The following CMSS1 variants were observed in gnomAD, a reference collection of about 807,000 sequenced individuals.
CMSS1 encodes the protein cms1 ribosomal small subunit homolog.
In CMSS1, 33 loss-of-function variants were observed where a neutral mutation model predicts 43.5. The ratio of observed to expected loss-of-function variants is 0.76; its 90% confidence interval spans 0.57 to 1.01. CMSS1 has a LOEUF of 1.01. Among genes scored for constraint, CMSS1 ranks in the 50% least tolerant of loss-of-function variants. CMSS1 has a pLI of 0.00. For synonymous variants in CMSS1, 115 were observed against 117.2 expected (o/e 0.98, Z 0.12); for missense variants, 313 against 326.4 (o/e 0.96, Z 0.32).
In CMSS1 at chr3:100,075,565, CT is replaced by C. The variant is rs1218386491; in HGVS notation, c.65-71395del. On this transcript the variant is annotated intron_variant, in intron 1 of 9. Transcript: ENST00000421999. Reference sequence around the variant, plus strand: ...AATCTTTGTCTTCTCTTTTCTTTTTCTTTTTTTTTTTTTAACTGTCTCCTAT... The same window carrying C: ...AATCTTTGTCTTCTCTTTTCTTTTTCTTTTTTTTTTTTAACTGTCTCCTAT... The C allele has an allele frequency of 5.7e-3, 804 of 141,856 alleles. 3 individuals carry two copies. Among genetic ancestry groups the C allele is most frequent in the African/African-American group, 9.2e-3 (358 of 38,974 alleles). 8.8% of individuals were successfully genotyped at this position (141,856 alleles called of 1,614,324 possible).
At chr3:100,076,284 C>G (rs546143146) in intron 1 of CMSS1, among the ~76,000 whole-genome samples, 2 of 152,038 alleles carry the variant, frequency 1.3e-5, no homozygotes, top group South Asian at 4.2e-4. Flanking sequence ...TATATTTTTC[C>G]CTCTCTAAAG....
intron 1 of CMSS1, among the ~76,000 whole-genome samples, chr3:100,012,365 C>G (rs1298406216): frequency 6.6e-6 from 1 of 152,102 alleles, no homozygotes; most frequent in African/African-American, 2.4e-5. Context: ...CTAGTTTTCT[C>G]ATCATATCAT....
chr3:99,899,623 A>C (rs1435469733), intron 1 of CMSS1, among the ~76,000 whole-genome samples: 1 of 152,222 alleles, frequency 6.6e-6, no homozygotes, highest in Non-Finnish European at 1.5e-5. Context: ...AGGACAAAGT[A>C]CTAGGAATCT....
intron 2 of CMSS1, among the ~76,000 whole-genome samples, chr3:100,153,565 T>C (rs981853718): frequency 1.2e-4 from 19 of 152,136 alleles, no homozygotes; most frequent in Non-Finnish European, 4.4e-5. Context: ...CTTCACATGG[T>C]CTTTTCTCTG....
chr3:100,109,228 A>T lies in CMSS1; in HGVS notation c.65-37745A>T, dbSNP rs184830630. ...GTGTGTTTTAATATCCTAAAAAAAAATTTTTCAATGAAAATCTGCAAGAAT... is the reference window on the plus strand; with the variant it reads ...GTGTGTTTTAATATCCTAAAAAAAATTTTTTCAATGAAAATCTGCAAGAAT... On this transcript the variant is annotated intron_variant, in intron 1 of 9. Coordinates refer to ENST00000421999, the MANE Select transcript of CMSS1 (RefSeq NM_032359.4). Among the ~76,000 whole-genome samples, 1,386 of 152,122 alleles carry T rather than the reference A, an allele frequency of 9.1e-3. 9 individuals are homozygous for T. Among genetic ancestry groups the T allele is most frequent in the Middle Eastern group, 0.017 (5 of 294 alleles).
intron 1 of CMSS1, among the ~76,000 whole-genome samples, chr3:99,987,073 T>A (rs1456642822): frequency 6.7e-6 from 1 of 150,284 alleles, no homozygotes; most frequent in Non-Finnish European, 1.5e-5. Context: ...TACAAAAAAA[T>A]ACAAAAATTA....
chr3:99,929,644 A>T (rs1707411875), intron 1 of CMSS1, among the ~76,000 whole-genome samples: 1 of 152,054 alleles, frequency 6.6e-6, no homozygotes, highest in African/African-American at 2.4e-5. Flanking sequence ...ATTTTGGTTG[A>T]TTCAAGCAAC....
chr3:100,100,425 C>G (rs1390169672), intron 1 of CMSS1, among the ~76,000 whole-genome samples: 4 of 152,168 alleles, frequency 2.6e-5, no homozygotes, highest in Admixed American at 1.3e-4. Context: ...TTACTATCAT[C>G]TGGATTTTAC....
intron 1 of CMSS1, chr3:99,930,799 A>T (rs1223158380): frequency 1.2e-6 from 2 of 1,612,916 alleles, no homozygotes; most frequent in African/African-American, 2.7e-5. Context: ...TGCTGAGGAG[A>T]AATAACAGGT....
intron 1 of CMSS1, among the ~76,000 whole-genome samples, chr3:99,904,601 C>A (rs1475954454): frequency 2.0e-5 from 3 of 151,766 alleles, no homozygotes; most frequent in Non-Finnish European, 2.9e-5. Flanking sequence ...TTACTTTTCT[C>A]TTTTTTTTGT....
chr3:100,117,434 A>C (rs1297435458), intron 1 of CMSS1, among the ~76,000 whole-genome samples: 1 of 152,106 alleles, frequency 6.6e-6, no homozygotes, highest in East Asian at 1.9e-4. Flanking sequence ...AACTCTAAAC[A>C]CTAGGGCTAT....
At chr3:100,140,596 C>T (rs1458652209) in intron 1 of CMSS1, among the ~76,000 whole-genome samples, 1 of 152,082 alleles carries the variant, frequency 6.6e-6, no homozygotes, top group South Asian at 2.1e-4. Flanking sequence ...AAGGGATTCT[C>T]TTGCCTCAGC....
chr3:100,141,911 C>G (rs1167648333), intron 1 of CMSS1, among the ~76,000 whole-genome samples: 3 of 152,184 alleles, frequency 2.0e-5, no homozygotes, highest in Non-Finnish European at 4.4e-5. Context: ...CTGGAGGAAC[C>G]TGAGTACTGG....
In CMSS1 at chr3:100,176,446, A is replaced by AT. The variant is rs1559780438; in HGVS notation, c.756+37dup. On this transcript the variant is annotated intron_variant, in intron 9 of 9. Transcript: ENST00000421999. ...ACGTAACCAGCAGTTGCCTTTAATC[A>AT]TTTTTTCTCTATTTGAACTTGGTTC... is the stretch of plus-strand genomic sequence containing the variant. The AT allele has an allele frequency of 2.8e-6, 4 of 1,434,236 alleles. No individual in the cohort carries two copies. In the South Asian group the frequency reaches 3.5e-5, roughly 13 times the overall value. The allele number at this position is 1,434,236 out of a possible 1,614,324, so 88.8% of individuals were successfully genotyped here.
chr3:100,051,368 A>G (rs1276883158), intron 1 of CMSS1: 1 of 151,706 alleles, frequency 6.6e-6, no homozygotes, highest in Non-Finnish European at 1.5e-5. Context: ...CTTTTTATAT[A>G]TATATATTTT....
At chr3:99,912,816 T>G (rs910483518) in intron 1 of CMSS1, among the ~76,000 whole-genome samples, 1 of 152,222 alleles carries the variant, frequency 6.6e-6, no homozygotes, top group Admixed American at 6.5e-5. Flanking sequence ...TGTGAATATT[T>G]GTGTACAGAT....
chr3:99,919,529 T>A (rs1163557806), intron 1 of CMSS1, among the ~76,000 whole-genome samples: 1 of 151,562 alleles, frequency 6.6e-6, no homozygotes, highest in African/African-American at 2.4e-5. Context: ...AACTAATGAG[T>A]TTAACCTAAA....
rs149007959 is a variant in CMSS1, at chr3:99,962,376, C to T, written c.64+144333C>T. ...TATTGTTCTCTTGGGAACATAATTA[C>T]TATGGGCAACATAAAAGGTTCTGCA... On this transcript the variant is annotated intron_variant, in intron 1 of 9. Coordinates refer to ENST00000421999, the MANE Select transcript of CMSS1 (RefSeq NM_032359.4). Among the ~76,000 whole-genome samples, 8 of 152,218 alleles carry T rather than the reference C, an allele frequency of 5.3e-5. No homozygotes were observed. The East Asian group carries it at 1.5e-3, about 29-fold the overall frequency.
At chr3:100,167,363 A>G (rs2067073544) in intron 5 of CMSS1, among the ~76,000 whole-genome samples, 1 of 152,224 alleles carries the variant, frequency 6.6e-6, no homozygotes, top group Admixed American at 6.5e-5. Context: ...TCCATTTTAT[A>G]TCTTATGTTG....
Sources: allele counts gnomAD v4.1 joint callset (sites outside exome capture counted in the v4.1 genomes callset), GRCh38; gene constraint gnomAD v4.1.1; transcripts MANE v1.5; gene names NCBI Gene and HGNC (gene_info 2026-07-23, HGNC 2026-07-21).